The following METTL9 variants were observed in gnomAD, a reference collection of about 807,000 sequenced individuals.
METTL9 encodes methyltransferase 9, His-X-His N1(pi)-histidine.
Under a neutral mutation model 36.0 loss-of-function variants are expected in METTL9, and 10 were observed. The observed-to-expected ratio is 0.28, with a 90% CI of 0.17 to 0.47. The LOEUF (loss-of-function observed/expected upper bound fraction) is 0.47. METTL9 is among the 20% of genes least tolerant of loss of function. The pLI is 0.99. For synonymous variants in METTL9, 175 were observed against 149.7 expected, an observed-to-expected ratio of 1.17 and a Z score of -1.23; for missense variants, 246 against 383.5, an observed-to-expected ratio of 0.64 and a Z score of 3.00.
intron 4 of METTL9, chr16:21,652,188 C>T (rs912452506): frequency 5.7e-6 from 1 of 176,554 alleles, no homozygotes; most frequent in Non-Finnish European, 1.2e-5. Flanking sequence ...AAATATTCAG[C>T]AAATAATCAT....
Position 21,655,452 on chromosome 16 carries a change from T to G in METTL9, c.*20T>G, listed in dbSNP as rs372972374. 10 of 1,604,672 alleles carry G rather than the reference T, an allele frequency of 6.2e-6. No individual in the cohort carries two copies. Among genetic ancestry groups the G allele is most frequent in the Non-Finnish European group, 8.5e-6 (10 of 1,172,594 alleles). On this transcript the variant is annotated 3_prime_UTR_variant, in exon 5 of 5. Transcript: ENST00000358154. ...GTATAAACACGTGGAGGTCGAAGTCTTCAGAGTCCGCACCCTCCGGGATGT... is the reference window on the plus strand; with the variant it reads ...GTATAAACACGTGGAGGTCGAAGTCGTCAGAGTCCGCACCCTCCGGGATGT...
intron 3 of METTL9, among the ~76,000 whole-genome samples, chr16:21,618,480 A>G (rs757524501): frequency 3.8e-4 from 58 of 152,120 alleles, no homozygotes; most frequent in Non-Finnish European, 6.2e-4. Context: ...ATCTCCAGAA[A>G]TTTTTGTCTT....
intron 4 of METTL9, among the ~76,000 whole-genome samples, chr16:21,633,547 G>A (rs2141598919): frequency 6.6e-6 from 1 of 152,252 alleles, no homozygotes; most frequent in Middle Eastern, 3.4e-3. Context: ...AGTGTGCAGG[G>A]TAATACAGAA....
At chr16:21,649,753 G>A (rs1284475293) in intron 4 of METTL9, among the ~76,000 whole-genome samples, 3 of 152,090 alleles carry the variant, frequency 2.0e-5, no homozygotes, top group Non-Finnish European at 4.4e-5. Context: ...CGCCCAAACT[G>A]GAATGCAGTG....
rs574379093 is a variant in METTL9, at chr16:21,624,919, T to C, written c.567-12T>C. On this transcript the variant is annotated splice_polypyrimidine_tract_variant and intron_variant, in intron 3 of 4. Coordinates refer to ENST00000358154, the MANE Select transcript of METTL9 (RefSeq NM_016025.5). ...GACTTTATGTTAATACAGTTATTTC[T>C]GATTTTTCTAGAGTCCTTGGTATAA... 7.4e-6 allele frequency: 12 copies of C among 1,611,792 alleles called. No homozygotes were observed. The South Asian group carries it at 1.2e-4, about 16-fold the overall frequency.
rs1269787599 is a variant in METTL9 at position 21,629,886 on chromosome 16, G to A, written c.751+4771G>A. Among the ~76,000 whole-genome samples the A allele has an allele frequency of 2.6e-5, 4 of 152,180 alleles. 1 individual carries two copies. Among genetic ancestry groups the A allele is most frequent in the Non-Finnish European group, 2.9e-5 (2 of 67,996 alleles). ...GTTTTGACAGAGCGCTGATTGGTGC[G>A]TTTACACCTTTAGTTAGACACAGAG... On this transcript the variant is annotated intron_variant, in intron 4 of 4. Transcript: ENST00000358154.
At chr16:21,606,371 G>A (rs1700154429) in intron 1 of METTL9, among the ~76,000 whole-genome samples, 1 of 151,920 alleles carries the variant, frequency 6.6e-6, no homozygotes. Context: ...AACCACTTAG[G>A]TTTACTGGTT....
chr16:21,633,162 G>A (rs1455339856), intron 4 of METTL9, among the ~76,000 whole-genome samples: 1 of 152,152 alleles, frequency 6.6e-6, no homozygotes, highest in Non-Finnish European at 1.5e-5. Context: ...AGTATAGGCT[G>A]TATTTGTTCC....
chr16:21,625,936 C>T (rs957799684), intron 4 of METTL9, among the ~76,000 whole-genome samples: 7 of 152,078 alleles, frequency 4.6e-5, no homozygotes, highest in African/African-American at 1.2e-4. Flanking sequence ...CTTGCTCTGT[C>T]GCCCAGGCTG....
At chr16:21,631,761 G>A (rs938943941) in intron 4 of METTL9, among the ~76,000 whole-genome samples, 3 of 152,156 alleles carry the variant, frequency 2.0e-5, no homozygotes, top group Admixed American at 6.5e-5. Context: ...TTCGCGCTAC[G>A]CCCTTGTTTA....
chr16:21,642,227 C>T (rs1300305262), intron 4 of METTL9: 3 of 152,054 alleles, frequency 2.0e-5, no homozygotes, highest in African/African-American at 7.2e-5. Flanking sequence ...TCTCCTGATG[C>T]ATTTGCCCTC....
intron 4 of METTL9, chr16:21,644,203 C>A: frequency 1.1e-6 from 1 of 948,042 alleles, no homozygotes; most frequent in Non-Finnish European, 1.7e-6. Context: ...TTGCTGAGGC[C>A]CATAACTTGT....
chr16:21,610,160 C>G (rs1034921849), intron 1 of METTL9, among the ~76,000 whole-genome samples: 2 of 152,194 alleles, frequency 1.3e-5, no homozygotes, highest in Admixed American at 1.3e-4. Context: ...TCCCAGCTCC[C>G]CAGCCCCTGG....
chr16:21,637,672 A>G (rs1966137607), intron 4 of METTL9, among the ~76,000 whole-genome samples: 1 of 152,228 alleles, frequency 6.6e-6, no homozygotes, highest in Non-Finnish European at 1.5e-5. Context: ...GGGCCTGCTG[A>G]GCCCGTACAC....
At chr16:21,628,711 G>A (rs551467586) in intron 4 of METTL9, among the ~76,000 whole-genome samples, 60 of 152,094 alleles carry the variant, frequency 3.9e-4, no homozygotes, top group Non-Finnish European at 7.1e-4. Context: ...GTCCAGGCTG[G>A]TCTTGAACTC....
intron 1 of METTL9, among the ~76,000 whole-genome samples, chr16:21,605,037 A>G (rs1965235469): frequency 6.6e-6 from 1 of 152,194 alleles, no homozygotes; most frequent in Admixed American, 6.5e-5. Context: ...AGTAGTCCAC[A>G]TAGAACTCTT....
intron 4 of METTL9, among the ~76,000 whole-genome samples, chr16:21,650,916 CTTA>C (rs1966556297): frequency 6.6e-6 from 1 of 152,112 alleles, no homozygotes; most frequent in East Asian, 1.9e-4. Flanking sequence ...AAAGATTATT[CTTA>C]TTATTTTAAA....
intron 4 of METTL9, among the ~76,000 whole-genome samples, chr16:21,636,798 G>T (rs891150161): frequency 1.3e-5 from 2 of 152,168 alleles, no homozygotes; most frequent in African/African-American, 2.4e-5. Context: ...ACTTTTAACT[G>T]GCTGACAGGT....
intron 4 of METTL9, among the ~76,000 whole-genome samples, chr16:21,636,658 C>A (rs1342215566): frequency 6.6e-6 from 1 of 152,156 alleles, no homozygotes; most frequent in African/African-American, 2.4e-5. Context: ...TCGGTTCAGC[C>A]CAGAAGTACT....
Sources: allele counts gnomAD v4.1 joint callset (sites outside exome capture counted in the v4.1 genomes callset), GRCh38; gene constraint gnomAD v4.1.1; transcripts MANE v1.5; gene names NCBI Gene and HGNC (gene_info 2026-07-23, HGNC 2026-07-21).